The following FAM114A1 variants were observed in gnomAD, a reference collection of about 807,000 sequenced individuals.
FAM114A1 encodes the protein protein NOXP20.
In FAM114A1, 62 loss-of-function variants were observed where a neutral mutation model predicts 64.3. The observed-to-expected ratio is 0.96, with a 90% CI of 0.79 to 1.19. FAM114A1 has a LOEUF of 1.19. Ranked by LOEUF, FAM114A1 falls within the 50% of genes most tolerant of loss-of-function variation. The pLI is 0.00. For synonymous variants in FAM114A1, 254 were observed against 251.1 expected (o/e 1.01, Z -0.11); for missense variants, 645 against 676.3 (o/e 0.95, Z 0.51).
chr4:38,920,528 G>A (rs1719488699), intron 8 of FAM114A1, among the ~76,000 whole-genome samples: 1 of 152,174 alleles, frequency 6.6e-6, no homozygotes, highest in South Asian at 2.1e-4. Context: ...GAAAGATGCT[G>A]ACAAAAGAGT....
chr4:38,935,212 G>A (rs2171778), intron 12 of FAM114A1, among the ~76,000 whole-genome samples: 69,135 of 151,886 alleles, frequency 0.46, 15,995 homozygotes, highest in East Asian at 0.63. Context: ...ACTGTTCCCC[G>A]GCCACCTAAC....
intron 4 of FAM114A1, among the ~76,000 whole-genome samples, chr4:38,895,703 A>G (rs1454681195): frequency 6.6e-6 from 1 of 152,236 alleles, no homozygotes; most frequent in Non-Finnish European, 1.5e-5. Flanking sequence ...TGGGTGATTT[A>G]ATCATTGTGC....
intron 4 of FAM114A1, among the ~76,000 whole-genome samples, chr4:38,904,482 A>G (rs1717801388): frequency 6.6e-6 from 1 of 152,234 alleles, no homozygotes; most frequent in Non-Finnish European, 1.5e-5. Context: ...TGCCTGGCTC[A>G]GGGAACAAGG....
At chr4:38,941,103 C>A (rs1721552062) in intron 14 of FAM114A1, 82 bp downstream of exon 14, 3 of 1,267,676 alleles carry the variant, frequency 2.4e-6, no homozygotes, top group Non-Finnish European at 3.4e-6. Context: ...CTTTCTTCCC[C>A]CACAGCAAAT....
At position 38,923,198 on chromosome 4, in the gene FAM114A1, C is replaced by T. The variant is rs186601591; in HGVS notation, c.1069+305C>T. 4.2e-3 allele frequency among the ~76,000 whole-genome samples: 629 copies of T among 151,504 alleles called. 8 individuals carry two copies. Among genetic ancestry groups the T allele is most frequent in the African/African-American group, 0.014 (579 of 41,304 alleles). Reference sequence around the variant, plus strand: ...AAGACTGCAATGTGCTAAGCAGAGCCCTGATGACTAGAGTTTATGCTGCCA... The same window carrying T: ...AAGACTGCAATGTGCTAAGCAGAGCTCTGATGACTAGAGTTTATGCTGCCA... On this transcript the variant is annotated intron_variant, in intron 9 of 14. Coordinates refer to ENST00000358869, the MANE Select transcript of FAM114A1 (RefSeq NM_138389.4).
intron 12 of FAM114A1, among the ~76,000 whole-genome samples, chr4:38,933,184 G>A (rs1720806720): frequency 6.6e-6 from 1 of 152,148 alleles, no homozygotes; most frequent in Non-Finnish European, 1.5e-5. Flanking sequence ...AGTGCATTAT[G>A]TTAGCAAGAA....
At chr4:38,885,126 C>T (rs1715669291) in intron 3 of FAM114A1, among the ~76,000 whole-genome samples, 1 of 152,130 alleles carries the variant, frequency 6.6e-6, no homozygotes, top group Admixed American at 6.6e-5. Flanking sequence ...CGGCATCTGC[C>T]ACCATGCCAA....
intron 2 of FAM114A1, among the ~76,000 whole-genome samples, chr4:38,872,709 A>G (rs1714202127): frequency 6.6e-6 from 1 of 152,252 alleles, no homozygotes; most frequent in African/African-American, 2.4e-5. Context: ...GTCCTAGGCC[A>G]TGGGTAAGCA....
chr4:38,885,820 A>T (rs1428113548), intron 3 of FAM114A1, among the ~76,000 whole-genome samples: 2 of 152,202 alleles, frequency 1.3e-5, no homozygotes, highest in African/African-American at 4.8e-5. Context: ...TGGAATGCTG[A>T]CAGCACTTGG....
At chr4:38,887,025 A>T (rs1431501404) in intron 3 of FAM114A1, among the ~76,000 whole-genome samples, 2 of 152,196 alleles carry the variant, frequency 1.3e-5, no homozygotes, top group East Asian at 1.9e-4. Flanking sequence ...ACCTAACCAG[A>T]TCGGGAGATG....
intron 2 of FAM114A1, among the ~76,000 whole-genome samples, chr4:38,876,713 T>A (rs2109537494): frequency 1.3e-5 from 2 of 152,288 alleles, no homozygotes; most frequent in South Asian, 2.1e-4. Flanking sequence ...GTTCTGGAGG[T>A]CAGAAGTCTG....
intron 13 of FAM114A1, among the ~76,000 whole-genome samples, chr4:38,936,015 G>A (rs1721052766): frequency 6.6e-6 from 1 of 151,986 alleles, no homozygotes; most frequent in African/African-American, 2.4e-5. Flanking sequence ...AAGATGTTGG[G>A]TGAGTGAGTT....
chr4:38,891,838 T>C lies in FAM114A1; in HGVS notation c.436+8T>C. The stretch of plus-strand genomic sequence containing the variant: ...CAGCATCTGCCACAGTAGGTAAGCA[T>C]TGTATGTTGCATTGGAATAGACAAA... On this transcript the variant is annotated splice_region_variant and intron_variant, in intron 4 of 14. Transcript: ENST00000358869. The C allele has an allele frequency of 6.2e-7, 1 of 1,605,910 alleles. No individual in the cohort carries two copies. Among genetic ancestry groups the C allele is most frequent in the Non-Finnish European group, 8.5e-7 (1 of 1,176,520 alleles).
intron 9 of FAM114A1, among the ~76,000 whole-genome samples, chr4:38,928,928 G>A (rs1216361466): frequency 6.6e-6 from 1 of 152,208 alleles, no homozygotes. Flanking sequence ...GCAAATAGCT[G>A]CTGACCACCT....
chr4:38,939,957 C>T (rs534023184), intron 13 of FAM114A1, among the ~76,000 whole-genome samples: 4 of 148,464 alleles, frequency 2.7e-5, no homozygotes, highest in South Asian at 2.1e-4. Flanking sequence ...GGTGCCATCT[C>T]GGCTCACTGC....
At chr4:38,893,929 G>A (rs1292619616) in intron 4 of FAM114A1, among the ~76,000 whole-genome samples, 9 of 152,170 alleles carry the variant, frequency 5.9e-5, no homozygotes, top group Non-Finnish European at 1.3e-4. Flanking sequence ...TTGGGAGGCC[G>A]AGGTGGATGG....
chr4:38,917,024 G>C (rs1719117754), intron 8 of FAM114A1, among the ~76,000 whole-genome samples: 1 of 152,040 alleles, frequency 6.6e-6, no homozygotes, highest in Non-Finnish European at 1.5e-5. Flanking sequence ...GCAGTTCTTA[G>C]CCAGGCGCAG....
At chr4:38,922,686 C>T in intron 8 of FAM114A1, 84 bp from the exon 9 acceptor site, 1 of 1,501,480 alleles carries the variant, frequency 6.7e-7, no homozygotes, top group Non-Finnish European at 8.9e-7. Context: ...CACTTTTGTC[C>T]TGGGAAAACT....
chr4:38,930,254 T>G (rs1388021386), intron 10 of FAM114A1, among the ~76,000 whole-genome samples: 1 of 152,230 alleles, frequency 6.6e-6, no homozygotes, highest in Non-Finnish European at 1.5e-5. Flanking sequence ...ATTAATTACT[T>G]AAAACTGCAT....
Sources: gnomAD v4.1 joint callset for allele counts (sites outside exome capture counted in the v4.1 genomes callset) on GRCh38, gnomAD v4.1.1 for gene constraint, MANE v1.5 for transcripts, NCBI Gene and HGNC (gene_info 2026-07-23, HGNC 2026-07-21) for gene names.